Variants in CIITA observed in about 807,000 individuals in gnomAD.
CIITA encodes class II major histocompatibility complex transactivator.
A neutral mutation model predicts 115.1 loss-of-function variants in CIITA; 72 were observed. The observed-to-expected ratio is 0.63, with a 90% confidence interval of 0.52 to 0.76. CIITA has a LOEUF of 0.76. CIITA is among the 30% of genes least tolerant of loss of function. CIITA has a pLI of 0.00. For synonymous variants in CIITA, 763 were observed against 635.6 expected (o/e 1.20, Z -3.02); for missense variants, 1,617 against 1,463.8 (o/e 1.10, Z -1.71).
rs1388992292 is a variant in CIITA at position 10,903,791 on chromosome 16, C to G, written c.833C>G (p.Pro278Arg). Residue 278 changes from proline to arginine, a missense_variant, in exon 9 of 20, where the codon CCA (proline) becomes CGA (arginine). Coordinates refer to ENST00000324288, the MANE Select transcript of CIITA (RefSeq NM_000246.4). ...AGTGGATTCACTGTCCACGGCCTCC[C>G]AACATCTCCAGACCGGCCAGGCTCC... ...PPSGFTVHGL[P>R]TSPDRPGSTS... 1.1e-5 allele frequency: 18 copies of G among 1,614,100 alleles called. No individual in the cohort carries two copies. The highest frequency in any genetic ancestry group is 1.5e-5 in the Non-Finnish European group (18 of 1,180,044).
In CIITA at chr16:10,928,408, C is replaced by G. The variant is rs2040623384; in HGVS notation, c.*4553C>G. Reference sequence around the variant, plus strand: ...GTTTCAAGCAATTCTCCTGCCTCAGCCTCCCGAGTAGCTGGGACTATAAGT... The same window carrying G: ...GTTTCAAGCAATTCTCCTGCCTCAGGCTCCCGAGTAGCTGGGACTATAAGT... On this transcript the variant is annotated 3_prime_UTR_variant, in exon 20 of 20. Transcript: ENST00000324288. The G allele has an allele frequency of 6.6e-6, 1 of 152,392 alleles. No homozygotes were observed. The highest frequency in any genetic ancestry group is 1.5e-5 in the Non-Finnish European group (1 of 68,172). The allele number at this position is 152,392 out of a possible 1,614,324, so 9.4% of individuals were successfully genotyped here.
At chr16:10,903,264 A>G (rs115068462) in intron 8 of CIITA, among the ~76,000 whole-genome samples, 2,092 of 152,110 alleles carry the variant, frequency 0.014, 62 homozygotes, top group African/African-American at 0.048. Flanking sequence ...GTCCCTACTG[A>G]CCCACCACAC....
chr16:10,901,956 A>T lies in CIITA; in HGVS notation c.482-82A>T. The T allele has an allele frequency of 1.9e-6, 3 of 1,565,522 alleles. No homozygotes were observed. The highest frequency in any genetic ancestry group is 2.6e-6 in the Non-Finnish European group (3 of 1,142,102). On this transcript the variant is annotated intron_variant, in intron 6 of 19. Transcript: ENST00000324288. This position sits in a 1 kb window ranked among gnomAD's most constrained non-coding sequence, Gnocchi z 6.8. ...AAGCATTTCCTCTGTCAGGAGAGAC[A>T]TCCATGCCACTCCAGGGCCCTCCCC... is the stretch of plus-strand genomic sequence containing the variant.
intron 9 of CIITA, 145 bp downstream of exon 9, chr16:10,904,040 C>G: frequency 1.9e-6 from 2 of 1,053,712 alleles, no homozygotes; most frequent in Non-Finnish European, 2.9e-6. Context: ...GGGAGGGTCT[C>G]CAGGGAGTGG....
chr16:10,882,445 G>T (rs760881400), intron 1 of CIITA, among the ~76,000 whole-genome samples: 1 of 152,162 alleles, frequency 6.6e-6, no homozygotes, highest in African/African-American at 2.4e-5. Context: ...AATTAAGAAA[G>T]GGGCCTGGTG....
intron 1 of CIITA, among the ~76,000 whole-genome samples, chr16:10,868,881 C>G (rs1409352086): frequency 1.3e-5 from 2 of 152,214 alleles, no homozygotes; most frequent in Non-Finnish European, 2.9e-5. Context: ...GGGTGCAGGG[C>G]AAGTTGCTCT....
chr16:10,908,384 A>T, intron 11 of CIITA: 2 of 663,626 alleles, frequency 3.0e-6, no homozygotes. Flanking sequence ...AAGGCCCGCC[A>T]TGTGCCAGTC....
At chr16:10,886,445 A>G (rs1368330214) in intron 1 of CIITA, among the ~76,000 whole-genome samples, 1 of 152,176 alleles carries the variant, frequency 6.6e-6, no homozygotes, top group Non-Finnish European at 1.5e-5. Context: ...CCATCCTCAG[A>G]TGGGTTCTCC....
intron 1 of CIITA, among the ~76,000 whole-genome samples, chr16:10,868,400 G>A (rs568650689): frequency 5.9e-5 from 9 of 152,188 alleles, no homozygotes; most frequent in Admixed American, 3.3e-4. Context: ...GGGCACCAGG[G>A]CAGTGTTGTT....
rs1417113048 is a variant in CIITA, at chr16:10,924,362, T to C, written c.*507T>C. The C allele has an allele frequency of 6.6e-6, 1 of 152,312 alleles. No individual in the cohort carries two copies. The highest frequency in any genetic ancestry group is 1.9e-4 in the East Asian group (1 of 5,184). The allele number at this position is 152,312 out of a possible 1,614,324, so 9.4% of individuals were successfully genotyped here. A position where few individuals can be genotyped will look rare whatever the true frequency, so the allele number is the denominator to read the frequency against. On this transcript the variant is annotated 3_prime_UTR_variant, in exon 20 of 20. Coordinates refer to ENST00000324288, the MANE Select transcript of CIITA (RefSeq NM_000246.4). ...GATTCTTCTGCTTCAGCCTCCCGAG[T>C]AGCTGGGACTACAGGCACCCACCAT...
At chr16:10,891,118 A>G (rs1031588767) in intron 1 of CIITA, among the ~76,000 whole-genome samples, 2 of 152,174 alleles carry the variant, frequency 1.3e-5, no homozygotes, top group Non-Finnish European at 1.5e-5. Context: ...GGGGTGGGCT[A>G]AATGTCTCCA....
intron 1 of CIITA, among the ~76,000 whole-genome samples, chr16:10,886,558 C>T (rs971269402): frequency 3.3e-5 from 5 of 152,158 alleles, no homozygotes; most frequent in African/African-American, 7.2e-5. Context: ...GATGCCAGGT[C>T]GTTCTCCAGA....
rs917397253 is a variant in CIITA at position 10,942,211 on chromosome 16, C to T, written n.1337C>T. ...GTCACCGCACCCCGAGATGTGCCCCCAAGGATCTCTCGACCGCCCGGGCGG... is the reference window on the plus strand; with the variant it reads ...GTCACCGCACCCCGAGATGTGCCCCTAAGGATCTCTCGACCGCCCGGGCGG... On this transcript the variant is annotated non_coding_transcript_exon_variant, in exon 2 of 2. Coordinates refer to the CIITA transcript ENST00000573379. The surrounding 1 kb of genome is among the most constrained non-coding windows in gnomAD (Gnocchi z 5.0). 206 of 431,730 alleles carry T rather than the reference C, an allele frequency of 4.8e-4. No individual in the cohort carries two copies. The highest frequency in any genetic ancestry group is 7.3e-4 in the Non-Finnish European group (183 of 249,926). The allele number at this position is 431,730 out of a possible 1,614,324, so 26.7% of individuals were successfully genotyped here. A position where few individuals can be genotyped will look rare whatever the true frequency, so the allele number is the denominator to read the frequency against.
Position 10,916,379 on chromosome 16 carries a change from G to C in CIITA, c.2982G>C (p.Leu994=). The C allele has an allele frequency of 6.2e-7, 1 of 1,613,932 alleles. No homozygotes were observed. Among genetic ancestry groups the C allele is most frequent in the Non-Finnish European group, 8.5e-7 (1 of 1,179,926 alleles). The change falls in exon 15 of 20, where the codon CTG becomes CTC. Residue 994 remains leucine, a synonymous_variant. Transcript: ENST00000324288. ...SSLQHLDLDA[L]SENKIGDEGV... ...ATTCCACCTGCAGCCTGGATGCGCT[G>C]AGTGAGAACAAGATCGGGGACGAGG...
chr16:10,903,965 A>G, intron 9 of CIITA, 70 bp downstream of exon 9: 1 of 1,602,470 alleles, frequency 6.2e-7, no homozygotes, highest in Non-Finnish European at 8.5e-7. Flanking sequence ...AATTGTCTCA[A>G]ATAAGATCCA....
intron 10 of CIITA, 107 bp from the exon 11 acceptor site, chr16:10,906,392 G>A (rs374826958): frequency 1.5e-6 from 2 of 1,311,788 alleles, no homozygotes; most frequent in African/African-American, 1.5e-5. Context: ...CAAAAAAACT[G>A]TGTGGGGAAC....
intron 1 of CIITA, among the ~76,000 whole-genome samples, chr16:10,891,541 T>A (rs2037582585): frequency 6.6e-6 from 1 of 152,196 alleles, no homozygotes; most frequent in Non-Finnish European, 1.5e-5. Flanking sequence ...ACACAACTCA[T>A]TCACGGAGTT....
rs922843952 is a variant in CIITA, at chr16:10,927,348, C to T, written c.*3493C>T. 2.0e-5 allele frequency: 3 copies of T among 152,260 alleles called. No individual in the cohort carries two copies. The highest frequency in any genetic ancestry group is 6.5e-5 in the Admixed American group (1 of 15,298). 9.4% of individuals were successfully genotyped at this position (152,260 alleles called of 1,614,324 possible). On this transcript the variant is annotated 3_prime_UTR_variant, in exon 20 of 20. Transcript: ENST00000324288. ...TCCTAGGACATGAGCTCCAGGAGGG[C>T]GGGAAACATCTCGCTTTGTACACTG...
Position 10,923,466 on chromosome 16 carries a change from CCCT to C in CIITA, c.*22+143_*22+145del. On this transcript the variant is annotated intron_variant, in intron 19 of 19. Coordinates refer to ENST00000324288, the MANE Select transcript of CIITA (RefSeq NM_000246.4). The surrounding 1 kb of genome is among the most constrained non-coding windows in gnomAD (Gnocchi z 5.2). ...GGACGCATGCGTCATCAGAGACATCCCCTCATCTCCACCCTGGGCTCGGTGGAG... is the reference window on the plus strand; with the variant it reads ...GGACGCATGCGTCATCAGAGACATCCCATCTCCACCCTGGGCTCGGTGGAG... 1 of 681,034 alleles carries C rather than the reference CCCT, an allele frequency of 1.5e-6. No individual in the cohort carries two copies. The highest frequency in any genetic ancestry group is 1.6e-5 in the South Asian group (1 of 61,228). The allele number at this position is 681,034 out of a possible 1,614,324, so 42.2% of individuals were successfully genotyped here.
Sources: allele counts gnomAD v4.1 joint callset (sites outside exome capture counted in the v4.1 genomes callset), GRCh38; gene constraint gnomAD v4.1.1; non-coding constraint Gnocchi (gnomAD v3.1); transcripts MANE v1.5; gene names NCBI Gene and HGNC (gene_info 2026-07-23, HGNC 2026-07-21).